SLC25A51: variants seen among roughly 807,000 people sequenced by gnomAD.
SLC25A51 encodes the protein mitochondrial nicotinamide adenine dinucleotide transporter SLC25A51.
Under a neutral mutation model 19.1 loss-of-function variants are expected in SLC25A51, and 11 were observed. That is an observed-to-expected ratio of 0.58 (90% CI 0.36 to 0.96). The LOEUF (loss-of-function observed/expected upper bound fraction) is 0.96, where lower values mean the gene tolerates loss of function less well. SLC25A51 is among the 40% of genes least tolerant of loss of function. The pLI, the probability that SLC25A51 is intolerant of heterozygous loss-of-function variation, is 0.01. For synonymous variants in SLC25A51, 105 were observed against 133.6 expected, an observed-to-expected ratio of 0.79 and a Z score of 1.47; for missense variants, 201 against 365.4, an observed-to-expected ratio of 0.55 and a Z score of 3.67.
In SLC25A51 at chr9:37,887,611, TAG is replaced by T; in HGVS notation, c.*44_*45del. The T allele has an allele frequency of 6.5e-7, 1 of 1,547,264 alleles. No homozygotes were observed. Among genetic ancestry groups the T allele is most frequent in the African/African-American group, 1.4e-5 (1 of 72,028 alleles). ...AAAAGAGGCCAAACTGCATTCTTCT[TAG>T]AAGGTCTATTCAGTTGATAAATGGC... On this transcript the variant is annotated 3_prime_UTR_variant, in exon 3 of 3. Transcript: ENST00000242275.
chr9:37,893,160 A>G (rs571020723), intron 2 of SLC25A51, among the ~76,000 whole-genome samples: 1 of 152,170 alleles, frequency 6.6e-6, no homozygotes, highest in Admixed American at 6.5e-5. Context: ...TTACAGGTGT[A>G]AGCCACTGTG....
At chr9:37,890,626 G>A (rs1371662171) in intron 2 of SLC25A51, among the ~76,000 whole-genome samples, 3 of 151,954 alleles carry the variant, frequency 2.0e-5, no homozygotes, top group Non-Finnish European at 1.5e-5. Flanking sequence ...AGCCCAGGAA[G>A]TTCAGGCTGC....
rs113153341 is a variant in SLC25A51 at position 37,896,537 on chromosome 9, G to A, written c.-43+3292C>T. 7.2e-3 allele frequency among the ~76,000 whole-genome samples: 1,099 copies of A among 152,222 alleles called. 6 individuals carry two copies. Among genetic ancestry groups the A allele is most frequent in the Non-Finnish European group, 0.01 (699 of 68,028 alleles). ...GTGGCCGGGCACAGTGGCTCACGCC[G>A]GTAGTCCCAGTATTTTGGGAGGCCG... On this transcript the variant is annotated intron_variant, in intron 2 of 2. Coordinates refer to ENST00000242275, the MANE Select transcript of SLC25A51 (RefSeq NM_033412.4).
downstream of SLC25A51, chr9:37,878,750 C>A (rs930083570): frequency 6.3e-6 from 1 of 157,952 alleles, no homozygotes; most frequent in Admixed American, 6.5e-5. Flanking sequence ...GAGACACTCA[C>A]CATCGGGGGA....
downstream of SLC25A51, chr9:37,879,121 T>G: frequency 2.8e-6 from 1 of 358,626 alleles, no homozygotes; most frequent in South Asian, 2.5e-5. Context: ...CATGTAGACT[T>G]TGAGTAACAT....
downstream of SLC25A51, among the ~76,000 whole-genome samples, chr9:37,882,849 A>C (rs1831375289): frequency 2.0e-5 from 3 of 151,936 alleles, no homozygotes; most frequent in South Asian, 6.2e-4. Flanking sequence ...TTGCCTTTTC[A>C]ATTTTTTTTT....
intron 1 of SLC25A51, among the ~76,000 whole-genome samples, chr9:37,900,373 C>T (rs1213769781): frequency 1.3e-5 from 2 of 151,474 alleles, no homozygotes; most frequent in Non-Finnish European, 2.9e-5. Context: ...TGCTTGAACC[C>T]GGGAGGCAGA....
intron 2 of SLC25A51, among the ~76,000 whole-genome samples, chr9:37,890,034 T>C (rs1167329565): frequency 6.6e-6 from 1 of 151,832 alleles, no homozygotes; most frequent in Non-Finnish European, 1.5e-5. Flanking sequence ...CACACATATG[T>C]GTATGTGTGT....
intron 3 of SLC25A51, among the ~76,000 whole-genome samples, chr9:37,881,161 C>T (rs913149203): frequency 1.3e-5 from 2 of 149,056 alleles, no homozygotes; most frequent in Admixed American, 1.3e-4. Context: ...AACCAATGAG[C>T]TACAACAGAA....
intron 2 of SLC25A51, among the ~76,000 whole-genome samples, chr9:37,891,548 G>T (rs1289752867): frequency 1.3e-5 from 2 of 152,156 alleles, no homozygotes; most frequent in Non-Finnish European, 2.9e-5. Context: ...GTTGATCTAT[G>T]ACCTTACCCC....
chr9:37,892,872 TG>T (rs1831625623), intron 2 of SLC25A51, among the ~76,000 whole-genome samples: 2 of 152,144 alleles, frequency 1.3e-5, no homozygotes, highest in African/African-American at 4.8e-5. Flanking sequence ...CCCAAGTAGC[TG>T]GGATTACAAG....
chr9:37,880,517 G>A (rs948386332), exon 4 of SLC25A51: 2 of 152,110 alleles, frequency 1.3e-5, no homozygotes, highest in Admixed American at 6.6e-5. Flanking sequence ...TTGGGAGGCC[G>A]AGGTGGGCAG....
At chr9:37,886,520 T>C, downstream of SLC25A51, 1 of 1,063,216 alleles carries the variant, frequency 9.4e-7, no homozygotes, top group Non-Finnish European at 1.3e-6. Context: ...GCGCAGCTTC[T>C]GATTTTAAAG....
Position 37,888,291 on chromosome 9 carries a change from G to A in SLC25A51, c.260C>T (p.Pro87Leu). Residue 87 changes from proline to leucine, a missense_variant, in exon 3 of 3, where the codon CCA (proline) becomes CTA (leucine). Pro to Leu is a moderately conservative substitution (Grantham distance 98). Transcript: ENST00000242275. ...FRNLYRGILP[P>L]LMQKTTTLAL... ...AAGCGTAGTTGTCTTCTGCATCAAT[G>A]GGGGAAGGATTCCACGATACAAATT... is the stretch of plus-strand genomic sequence containing the variant. 6.2e-7 allele frequency: 1 copy of A among 1,614,206 alleles called. No individual in the cohort carries two copies. The highest frequency in any genetic ancestry group is 8.5e-7 in the Non-Finnish European group (1 of 1,180,040).
intron 1 of SLC25A51, among the ~76,000 whole-genome samples, chr9:37,902,260 G>C (rs1564072825): frequency 6.6e-6 from 1 of 152,176 alleles, no homozygotes; most frequent in Non-Finnish European, 1.5e-5. Flanking sequence ...ATAAAGGTTA[G>C]TTTATTTATG....
At chr9:37,899,383 T>A (rs1831793095) in intron 2 of SLC25A51, among the ~76,000 whole-genome samples, 1 of 152,222 alleles carries the variant, frequency 6.6e-6, no homozygotes, top group Non-Finnish European at 1.5e-5. Context: ...GTTGTCATTT[T>A]TTTTTTCTTC....
At chr9:37,887,158 T>C (rs1831477444), downstream of SLC25A51, among the ~76,000 whole-genome samples, 1 of 151,796 alleles carries the variant, frequency 6.6e-6, no homozygotes, top group South Asian at 2.1e-4. Context: ...CTACTAAAAA[T>C]ACAAAACAAT....
intron 1 of SLC25A51, among the ~76,000 whole-genome samples, chr9:37,902,153 C>T (rs1033799223): frequency 2.0e-5 from 3 of 152,204 alleles, no homozygotes; most frequent in African/African-American, 7.2e-5. Context: ...CTTGACAGTA[C>T]AAGCCAAGTT....
chr9:37,882,612 A>C (rs1360735066), downstream of SLC25A51, among the ~76,000 whole-genome samples: 1 of 152,212 alleles, frequency 6.6e-6, no homozygotes, highest in African/African-American at 2.4e-5. Flanking sequence ...TGAAACAAGA[A>C]AGACACACAT....
Sources: allele counts gnomAD v4.1 joint callset (sites outside exome capture counted in the v4.1 genomes callset), GRCh38; gene constraint gnomAD v4.1.1; transcripts MANE v1.5; gene names NCBI Gene and HGNC (gene_info 2026-07-23, HGNC 2026-07-21).